Variants in CDK19 observed in about 807,000 individuals in gnomAD.
The protein encoded by CDK19 is cyclin-dependent kinase 19.
A neutral mutation model predicts 68.3 loss-of-function variants in CDK19; 20 were observed. The ratio of observed to expected loss-of-function variants is 0.29; its 90% CI spans 0.21 to 0.43. The LOEUF is 0.43. CDK19 is among the 20% of genes least tolerant of loss of function. The probability of loss-of-function intolerance (pLI) is 1.00; values close to 1 mark genes in which losing one functional copy is unlikely to be tolerated. For synonymous variants in CDK19, 221 were observed against 222.8 expected (o/e 0.99, Z 0.07); for missense variants, 339 against 623.5 (o/e 0.54, Z 4.86).
intron 1 of CDK19, among the ~76,000 whole-genome samples, chr6:110,799,666 C>T (rs985311236): frequency 3.9e-5 from 6 of 152,098 alleles, no homozygotes; most frequent in Non-Finnish European, 5.9e-5. Flanking sequence ...GGCACAATCT[C>T]GGCTCACTGC....
At chr6:110,615,364 CA>C (rs558765688) in intron 12 of CDK19, among the ~76,000 whole-genome samples, 1 of 151,178 alleles carries the variant, frequency 6.6e-6, no homozygotes, top group Non-Finnish European at 1.5e-5. Context: ...AACGCAAATA[CA>C]AAAAAAATGT....
chr6:110,614,421 T>G lies in CDK19; in HGVS notation c.*114A>C. ...CTCAGTATATAAGGTTTTCCTCCCA[T>G]GTGTATGAGTTTTAAATGGCATCAT... On this transcript the variant is annotated 3_prime_UTR_variant, in exon 13 of 13. Coordinates refer to ENST00000368911, the MANE Select transcript of CDK19 (RefSeq NM_015076.5). 1 of 899,986 alleles carries G rather than the reference T, an allele frequency of 1.1e-6. No homozygotes were observed. Among genetic ancestry groups the G allele is most frequent in the Non-Finnish European group, 1.7e-6 (1 of 593,226 alleles). The allele number at this position is 899,986 out of a possible 1,614,324, so 55.8% of individuals were successfully genotyped here.
At chr6:110,734,557 C>CTCTCTCTCTCTCTCTCTCTCTCTCTT (rs1777079644) in intron 2 of CDK19, among the ~76,000 whole-genome samples, 1 of 150,200 alleles carries the variant, frequency 6.7e-6, no homozygotes, top group Admixed American at 6.7e-5. Context: ...CTCTCTCTCT[C>CTCTCTCTCTCTCTCTCTCTCTCTCTT]TCTCATGTCT....
chr6:110,671,439 G>C (rs1247861666), intron 2 of CDK19, among the ~76,000 whole-genome samples: 1 of 152,168 alleles, frequency 6.6e-6, no homozygotes, highest in Non-Finnish European at 1.5e-5. Flanking sequence ...GTAAAGCTCT[G>C]TGAAAGATGC....
At chr6:110,805,973 C>CAAAA (rs34834440) in intron 1 of CDK19, among the ~76,000 whole-genome samples, 6 of 95,420 alleles carry the variant, frequency 6.3e-5, no homozygotes, top group African/African-American at 2.3e-4. Flanking sequence ...TAACACTTCT[C>CAAAA]AAAAAAAAAA....
intron 4 of CDK19, among the ~76,000 whole-genome samples, chr6:110,647,148 C>T (rs1224980703): frequency 6.6e-6 from 1 of 152,160 alleles, no homozygotes; most frequent in Non-Finnish European, 1.5e-5. Flanking sequence ...ACAACCGCCT[C>T]CTGGTGGTGG....
chr6:110,616,318 C>T (rs111695674), intron 12 of CDK19, among the ~76,000 whole-genome samples: 6 of 152,206 alleles, frequency 3.9e-5, no homozygotes, highest in South Asian at 2.1e-4. Context: ...GGCTGCCAAA[C>T]GACTTGGAAT....
chr6:110,665,848 C>T (rs1332848483), intron 4 of CDK19, among the ~76,000 whole-genome samples: 1 of 152,048 alleles, frequency 6.6e-6, no homozygotes, highest in Non-Finnish European at 1.5e-5. Context: ...AGGCTCAAGC[C>T]ATCCTCCCAC....
intron 2 of CDK19, among the ~76,000 whole-genome samples, chr6:110,671,847 A>G (rs895400632): frequency 6.6e-6 from 1 of 152,042 alleles, no homozygotes; most frequent in Non-Finnish European, 1.5e-5. Flanking sequence ...GCACAATCTC[A>G]GCTCACTGCA....
At chr6:110,662,710 A>T (rs1370819616) in intron 4 of CDK19, among the ~76,000 whole-genome samples, 1 of 152,222 alleles carries the variant, frequency 6.6e-6, no homozygotes, top group Non-Finnish European at 1.5e-5. Context: ...TCCCATAAAA[A>T]TGAGTCATCC....
rs905602041 is a variant in CDK19 at position 110,750,628 on chromosome 6, T to C, written c.129-4427A>G. Among the ~76,000 whole-genome samples, 34 of 152,076 alleles carry C rather than the reference T, an allele frequency of 2.2e-4. 1 individual carries two copies. Among genetic ancestry groups the C allele is most frequent in the Non-Finnish European group, 3.5e-4 (24 of 68,004 alleles). ...CATAGAAAGAAACCCCAACCAAAAA[T>C]GAAAATATCTCGGAAGTTCAAAAAG... On this transcript the variant is annotated intron_variant, in intron 1 of 12. Coordinates refer to ENST00000368911, the MANE Select transcript of CDK19 (RefSeq NM_015076.5).
At chr6:110,727,875 C>G (rs1342446833) in intron 2 of CDK19, among the ~76,000 whole-genome samples, 4 of 151,858 alleles carry the variant, frequency 2.6e-5, no homozygotes, top group Non-Finnish European at 5.9e-5. Context: ...TTGTCCCAGC[C>G]CAGCTACTCA....
chr6:110,770,486 C>T (rs1181644637), intron 1 of CDK19, among the ~76,000 whole-genome samples: 1 of 152,174 alleles, frequency 6.6e-6, no homozygotes, highest in Non-Finnish European at 1.5e-5. Flanking sequence ...GGGGAAACTG[C>T]TCCCATGATT....
intron 1 of CDK19, among the ~76,000 whole-genome samples, chr6:110,772,298 A>C (rs1032095985): frequency 6.6e-6 from 1 of 152,192 alleles, no homozygotes; most frequent in Admixed American, 6.5e-5. Context: ...AGAAGGATCC[A>C]AAAACGGAAA....
At chr6:110,673,052 T>C (rs975588034) in intron 2 of CDK19, among the ~76,000 whole-genome samples, 1 of 152,112 alleles carries the variant, frequency 6.6e-6, no homozygotes, top group Non-Finnish European at 1.5e-5. Flanking sequence ...TCCAGAACTT[T>C]TTCATCCCAA....
Position 110,717,423 on chromosome 6 carries a change from T to G in CDK19, c.204+28703A>C, listed in dbSNP as rs1229880479. On this transcript the variant is annotated intron_variant, in intron 2 of 12. Transcript: ENST00000368911. ...TTTCAACTGACAGGTAGTACATACA[T>G]TTGTAGTATATACATTTATACTAAC... Among the ~76,000 whole-genome samples the G allele has an allele frequency of 2.6e-5, 4 of 152,288 alleles. No homozygotes were observed. The East Asian group carries it at 5.8e-4, about 22-fold the overall frequency.
intron 1 of CDK19, among the ~76,000 whole-genome samples, chr6:110,796,540 T>A (rs192268404): frequency 2.3e-3 from 343 of 151,348 alleles, no homozygotes; most frequent in Non-Finnish European, 3.3e-3. Context: ...TTCCAGCTAC[T>A]CGGAAGGCTA....
chr6:110,649,089 T>TA (rs552439613), intron 4 of CDK19, among the ~76,000 whole-genome samples: 6,100 of 146,916 alleles, frequency 0.042, 132 homozygotes, highest in South Asian at 0.087. Flanking sequence ...TTCGATACAG[T>TA]AAAAAAAAAA....
chr6:110,634,017 A>C (rs34859675), intron 5 of CDK19, among the ~76,000 whole-genome samples: 15,652 of 152,236 alleles, frequency 0.1, 1,170 homozygotes, highest in Admixed American at 0.25. Flanking sequence ...TTGAATACAT[A>C]ATATACATAA....
Sources: allele counts gnomAD v4.1 joint callset (sites outside exome capture counted in the v4.1 genomes callset), GRCh38; gene constraint gnomAD v4.1.1; transcripts MANE v1.5; gene names NCBI Gene and HGNC (gene_info 2026-07-23, HGNC 2026-07-21).